Variants in DCAF8L2 observed in about 807,000 individuals in gnomAD.
The protein encoded by DCAF8L2 is DDB1 and CUL4 associated factor 8 like 2.
For synonymous variants in DCAF8L2, 200 were observed against 190.9 expected, an observed-to-expected ratio of 1.05 and a Z score of -0.39; for missense variants, 430 against 490.7, an observed-to-expected ratio of 0.88 and a Z score of 1.17.
chrX:27,707,709 C>T (rs1305295959), intron 3 of DCAF8L2, among the ~76,000 whole-genome samples: 3 of 110,978 alleles, frequency 2.7e-5, no homozygotes, highest in Non-Finnish European at 3.8e-5. Flanking sequence ...GCTTGGAATC[C>T]GTGGTCTATG....
chrX:27,492,019 G>C, the DCAF8L2 span, among the ~76,000 whole-genome samples: 10 of 111,940 alleles, frequency 8.9e-5, no homozygotes, highest in African/African-American at 3.2e-4. Flanking sequence ...TCTGATTTTC[G>C]AAAATACCAC....
chrX:27,655,694 T>C (rs1929324717), intron 2 of DCAF8L2, among the ~76,000 whole-genome samples: 1 of 111,554 alleles, frequency 9.0e-6, no homozygotes. Context: ...TAGTAAATAT[T>C]TTATCTGTAT....
chrX:27,585,974 T>A (rs1368613752), upstream of DCAF8L2, among the ~76,000 whole-genome samples: 1 of 111,675 alleles, frequency 9.0e-6, no homozygotes, highest in East Asian at 2.8e-4. Flanking sequence ...CATGCTTACT[T>A]ATTATTTAAT....
chrX:27,569,030 T>A, the DCAF8L2 span, among the ~76,000 whole-genome samples: 3 of 105,769 alleles, frequency 2.8e-5, no homozygotes, highest in Non-Finnish European at 5.8e-5. Context: ...GTGAGAAGAG[T>A]TTGCTTCCTA....
the DCAF8L2 span, among the ~76,000 whole-genome samples, chrX:27,487,081 C>T: frequency 1.8e-5 from 2 of 111,303 alleles, no homozygotes; most frequent in African/African-American, 6.5e-5. Flanking sequence ...AGCGACTCTT[C>T]GAATCCATGA....
intron 2 of DCAF8L2, among the ~76,000 whole-genome samples, chrX:27,641,473 C>CT (rs779757306): frequency 0.031 from 1,428 of 45,408 alleles, 21 homozygotes; most frequent in African/African-American, 0.036. Flanking sequence ...CTTTACTTTT[C>CT]TTTTTTTTTT....
upstream of DCAF8L2, among the ~76,000 whole-genome samples, chrX:27,586,980 A>AT (rs1265368070): frequency 6.4e-5 from 7 of 110,109 alleles, no homozygotes; most frequent in Non-Finnish European, 1.3e-4. Flanking sequence ...GTGTTTCAAG[A>AT]TTTTTTTTTA....
chrX:27,620,809 A>G (rs1236070501), intron 1 of DCAF8L2, among the ~76,000 whole-genome samples: 1 of 111,809 alleles, frequency 8.9e-6, no homozygotes, highest in African/African-American at 3.2e-5. Flanking sequence ...CAGCAATTCC[A>G]TTTCTAGATA....
At chrX:27,700,002 T>C (rs6630552) in intron 3 of DCAF8L2, among the ~76,000 whole-genome samples, 18,155 of 110,497 alleles carry the variant, frequency 0.16, 1,656 homozygotes, top group East Asian at 0.35. Flanking sequence ...ATCACTGCAC[T>C]CCAGCCTGGG....
chrX:27,519,771 G>A, the DCAF8L2 span: 4 of 533,540 alleles, frequency 7.5e-6, no homozygotes, highest in South Asian at 1.1e-4. Flanking sequence ...AAACCAATTT[G>A]AGGCTTTTAA....
chrX:27,673,006 G>C (rs939063165), intron 2 of DCAF8L2, among the ~76,000 whole-genome samples: 24 of 110,697 alleles, frequency 2.2e-4, no homozygotes, highest in African/African-American at 7.2e-4. Flanking sequence ...GTCCCCACAA[G>C]CCCTGAAGAA....
In DCAF8L2 at chrX:27,645,843, G is replaced by T. The variant is rs911581807; in HGVS notation, c.-220+13843G>T. The stretch of plus-strand genomic sequence containing the variant: ...GCCACAAAGAGAATAAAACACCTAG[G>T]AACGCAGCTAACAAAGGAAGTGAAG... On this transcript the variant is annotated intron_variant, in intron 2 of 4. Coordinates refer to ENST00000451261, the MANE Select transcript of DCAF8L2 (RefSeq NM_001353450.2). Among the ~76,000 whole-genome samples the T allele has an allele frequency of 3.6e-5, 4 of 110,980 alleles. No homozygotes were observed. In the Admixed American group the frequency reaches 3.9e-4, roughly 11 times the overall value.
the DCAF8L2 span, among the ~76,000 whole-genome samples, chrX:27,551,594 T>C: frequency 8.9e-5 from 10 of 111,858 alleles, no homozygotes; most frequent in African/African-American, 3.3e-4. Flanking sequence ...TGTGTCTTTC[T>C]GTACCTGGCT....
At chrX:27,554,668 A>C in the DCAF8L2 span, among the ~76,000 whole-genome samples, 1 of 111,839 alleles carries the variant, frequency 8.9e-6, no homozygotes, top group African/African-American at 3.3e-5. Context: ...TGCAGCATAA[A>C]ATCATGCATC....
chrX:27,506,731 C>T, the DCAF8L2 span, among the ~76,000 whole-genome samples: 2 of 111,285 alleles, frequency 1.8e-5, no homozygotes, highest in African/African-American at 6.5e-5. Flanking sequence ...ACTCTATCAC[C>T]AAGCTGCAGT....
intron 1 of DCAF8L2, among the ~76,000 whole-genome samples, chrX:27,612,957 TTAAAG>T (rs1927263886): frequency 2.7e-5 from 3 of 111,887 alleles, no homozygotes; most frequent in Admixed American, 1.9e-4. Context: ...CATATGAACT[TTAAAG>T]TAGTTTTTTT....
intron 3 of DCAF8L2, among the ~76,000 whole-genome samples, chrX:27,697,313 C>T (rs1436331378): frequency 6.3e-5 from 7 of 111,445 alleles, no homozygotes; most frequent in Non-Finnish European, 1.3e-4. Flanking sequence ...TCATATAATC[C>T]TCTCACTCAA....
intron 4 of DCAF8L2, among the ~76,000 whole-genome samples, chrX:27,719,874 A>T (rs2147295641): frequency 9.0e-6 from 1 of 111,482 alleles, no homozygotes; most frequent in Non-Finnish European, 1.9e-5. Context: ...TTGTTTCCTA[A>T]ACCATGTCTG....
intron 1 of DCAF8L2, among the ~76,000 whole-genome samples, chrX:27,607,661 A>G (rs1428818660): frequency 8.9e-6 from 1 of 112,090 alleles, no homozygotes; most frequent in African/African-American, 3.2e-5. Flanking sequence ...TTTTTAACTC[A>G]GTGGACGTTA....
Sources: allele counts gnomAD v4.1 joint callset (sites outside exome capture counted in the v4.1 genomes callset), GRCh38; gene constraint gnomAD v4.1.1; transcripts MANE v1.5; gene names NCBI Gene and HGNC (gene_info 2026-07-23, HGNC 2026-07-21).